The following WDR64 variants were observed in gnomAD, a reference collection of about 807,000 sequenced individuals.
WDR64 encodes WD repeat domain 64, also known as WD repeat-containing protein 64.
Under a neutral mutation model 139.3 loss-of-function variants are expected in WDR64, and 112 were observed. The ratio of observed to expected loss-of-function variants is 0.80; its 90% confidence interval spans 0.69 to 0.94. WDR64 has a LOEUF of 0.94. Ranked by LOEUF, WDR64 falls within the 40% of genes least tolerant of loss-of-function variation. WDR64 has a pLI of 0.00. For missense variants in WDR64, 1,206 were observed against 1,293.1 expected, an observed-to-expected ratio of 0.93 and a Z score of 1.03; for synonymous variants, 444 against 437.7, an observed-to-expected ratio of 1.01 and a Z score of -0.18.
chr1:241,655,372 G>GCC (rs1665545499), intron 1 of WDR64, among the ~76,000 whole-genome samples: 1 of 152,152 alleles, frequency 6.6e-6, no homozygotes, highest in East Asian at 1.9e-4. Flanking sequence ...CTGGGCTACA[G>GCC]AGAGAGACTC....
At chr1:241,714,002 A>G (rs1574034642) in intron 9 of WDR64, among the ~76,000 whole-genome samples, 1 of 152,224 alleles carries the variant, frequency 6.6e-6, no homozygotes, top group African/African-American at 2.4e-5. Flanking sequence ...AGAAAGCTCA[A>G]TTGTGAACTT....
chr1:241,719,732 C>T (rs1237781927), intron 9 of WDR64, among the ~76,000 whole-genome samples: 1 of 151,974 alleles, frequency 6.6e-6, no homozygotes. Flanking sequence ...TAATGGGTGG[C>T]CCAATATATA....
intron 6 of WDR64, among the ~76,000 whole-genome samples, chr1:241,680,795 C>T (rs1387619556): frequency 6.6e-6 from 1 of 152,132 alleles, no homozygotes; most frequent in Non-Finnish European, 1.5e-5. Flanking sequence ...GCAGTAGCTT[C>T]CATCAATCTC....
In WDR64 at chr1:241,674,645, T is replaced by G. The variant is rs761406494; in HGVS notation, c.381T>G (p.Gly127=). Residue 127 remains glycine, a splice_region_variant and synonymous_variant, in exon 4 of 28, where the codon GGT becomes GGG. Transcript: ENST00000437684. The stretch of plus-strand genomic sequence containing the variant: ...AAATGAATATTATGCTGTTGACAGG[T>G]AGTAGAAGACGAGATGTGATTAAGA... ...VSRKRRILIS[G]SRRRDVIKSI... 6.5e-7 allele frequency: 1 copy of G among 1,538,838 alleles called. No individual in the cohort carries two copies. The highest frequency in any genetic ancestry group is 2.5e-5 in the East Asian group (1 of 40,632).
At chr1:241,795,350 C>G (rs1156597999) in intron 26 of WDR64, 63 bp downstream of exon 26, 2 of 1,452,144 alleles carry the variant, frequency 1.4e-6, no homozygotes, top group African/African-American at 2.8e-5. Context: ...CATCTCATTC[C>G]TGACCCTGGG....
chr1:241,752,753 A>G (rs1257429298), intron 14 of WDR64, among the ~76,000 whole-genome samples: 3 of 152,168 alleles, frequency 2.0e-5, no homozygotes. Context: ...TGGGGAGCTG[A>G]GGTGGGAGAA....
chr1:241,777,579 A>G (rs1857240), intron 21 of WDR64, among the ~76,000 whole-genome samples: 122,408 of 144,956 alleles, frequency 0.84, 50,056 homozygotes, highest in East Asian at 1. Context: ...CACCACGGCC[A>G]GCTAATTTTT....
intron 25 of WDR64, among the ~76,000 whole-genome samples, chr1:241,792,340 T>G (rs1659236304): frequency 6.6e-6 from 1 of 152,010 alleles, no homozygotes; most frequent in East Asian, 1.9e-4. Flanking sequence ...ATCGAGACCA[T>G]CCTGACTAAC....
intron 13 of WDR64, among the ~76,000 whole-genome samples, chr1:241,748,687 C>A (rs1268953887): frequency 3.9e-5 from 6 of 152,052 alleles, no homozygotes; most frequent in Admixed American, 6.5e-5. Flanking sequence ...TGCCTGTAAT[C>A]CCAGCACTTT....
intron 15 of WDR64, among the ~76,000 whole-genome samples, chr1:241,758,603 C>A (rs989930123): frequency 6.6e-6 from 1 of 152,164 alleles, no homozygotes; most frequent in South Asian, 2.1e-4. Flanking sequence ...TATTGACTCA[C>A]AAATTTAAAT....
rs1192338748 is a variant in WDR64 at position 241,767,273 on chromosome 1, A to G, written c.2081+922A>G. On this transcript the variant is annotated intron_variant, in intron 16 of 27. Transcript: ENST00000437684. Reference sequence around the variant, plus strand: ...GTTGTAGATGCAATTATTCCTCTCAACCAATTAGATTTACCCTGGACTATG... The same window carrying G: ...GTTGTAGATGCAATTATTCCTCTCAGCCAATTAGATTTACCCTGGACTATG... Among the ~76,000 whole-genome samples, 3 of 151,304 alleles carry G rather than the reference A, an allele frequency of 2.0e-5. No homozygotes were observed. The East Asian group carries it at 5.8e-4, about 29-fold the overall frequency.
chr1:241,719,844 G>A (rs1291852329), intron 9 of WDR64, among the ~76,000 whole-genome samples: 2 of 151,960 alleles, frequency 1.3e-5, no homozygotes, highest in African/African-American at 4.8e-5. Context: ...TGTGAAGGAT[G>A]TGCAGGTTTG....
rs540934051 is a variant in WDR64, at chr1:241,730,812, T to C, written c.1194+7376T>C. ...AAAATCTAGTTGAGTAAATAAAGCA[T>C]AGCTGCCCCAAATCTTTGATGACCA... On this transcript the variant is annotated intron_variant, in intron 10 of 27. Coordinates refer to ENST00000437684, the MANE Select transcript of WDR64 (RefSeq NM_001367482.1). Among the ~76,000 whole-genome samples the C allele has an allele frequency of 2.0e-5, 3 of 152,304 alleles. No homozygotes were observed. The South Asian group carries it at 6.2e-4, about 32-fold the overall frequency.
chr1:241,744,289 TAC>T, intron 12 of WDR64, 102 bp from the exon 13 acceptor site: 1 of 1,404,010 alleles, frequency 7.1e-7, no homozygotes, highest in Non-Finnish European at 9.8e-7. Context: ...GTGTTAGATG[TAC>T]AGAGTTCCAT....
chr1:241,784,391 G>C (rs536090162), intron 23 of WDR64, among the ~76,000 whole-genome samples: 2 of 152,114 alleles, frequency 1.3e-5, no homozygotes, highest in South Asian at 4.1e-4. Context: ...GGAAATAAGT[G>C]GTTTAGATTT....
chr1:241,759,037 C>T (rs1255296596), intron 15 of WDR64, among the ~76,000 whole-genome samples: 1 of 151,852 alleles, frequency 6.6e-6, no homozygotes, highest in Non-Finnish European at 1.5e-5. Context: ...ATTTTGATTT[C>T]TAATGATACA....
intron 8 of WDR64, among the ~76,000 whole-genome samples, chr1:241,695,116 A>T (rs954472984): frequency 5.2e-4 from 79 of 152,222 alleles, no homozygotes; most frequent in African/African-American, 1.9e-3. Flanking sequence ...AAACAATCAA[A>T]CAAACAAACA....
intron 25 of WDR64, among the ~76,000 whole-genome samples, chr1:241,791,570 G>A (rs1314443427): frequency 6.6e-6 from 1 of 152,080 alleles, no homozygotes; most frequent in Admixed American, 6.5e-5. Flanking sequence ...TAGTTGGGAG[G>A]CTGAGGTGGG....
intron 13 of WDR64, among the ~76,000 whole-genome samples, chr1:241,745,450 G>A (rs1033768183): frequency 7.3e-5 from 11 of 151,010 alleles, no homozygotes; most frequent in Non-Finnish European, 1.5e-4. Flanking sequence ...TCTGAGCAAT[G>A]TACACAATTA....
Sources: gnomAD v4.1 joint callset for allele counts (sites outside exome capture counted in the v4.1 genomes callset) on GRCh38, gnomAD v4.1.1 for gene constraint, MANE v1.5 for transcripts, NCBI Gene and HGNC (gene_info 2026-07-23, HGNC 2026-07-21) for gene names.